SRL: variants seen among roughly 807,000 people sequenced by gnomAD.
SRL encodes the protein sarcalumenin.
SRL carries 23 observed loss-of-function variants against 39.5 expected under a neutral mutation model. That is an observed-to-expected ratio of 0.58 (90% CI 0.42 to 0.82). The LOEUF (loss-of-function observed/expected upper bound fraction) is 0.82, where lower values mean the gene tolerates loss of function less well. Among genes scored for constraint, SRL ranks in the 40% least tolerant of loss-of-function variants. SRL has a pLI of 0.00. For synonymous variants in SRL, 272 were observed against 237.4 expected, an observed-to-expected ratio of 1.15 and a Z score of -1.34; for missense variants, 592 against 607.8, an observed-to-expected ratio of 0.97 and a Z score of 0.27.
At chr16:4,217,064 G>C (rs1246727971) in intron 1 of SRL, among the ~76,000 whole-genome samples, 1 of 152,152 alleles carries the variant, frequency 6.6e-6, no homozygotes, top group Non-Finnish European at 1.5e-5. Context: ...CCCAATCCAG[G>C]GAAGCTGGAG....
chr16:4,240,677 T>C (rs2052763662), intron 1 of SRL, among the ~76,000 whole-genome samples: 1 of 151,494 alleles, frequency 6.6e-6, no homozygotes, highest in Non-Finnish European at 1.5e-5. Flanking sequence ...GGAGGAAAGA[T>C]AAAGGATGTC....
chr16:4,241,928 C>T (rs987433733), intron 1 of SRL, 79 bp downstream of exon 1: 11 of 1,542,026 alleles, frequency 7.1e-6, no homozygotes, highest in Non-Finnish European at 8.0e-6. Context: ...GACCCCCTAC[C>T]CAACCCATGG....
At chr16:4,232,086 C>T (rs1312666870) in intron 1 of SRL, among the ~76,000 whole-genome samples, 1 of 152,150 alleles carries the variant, frequency 6.6e-6, no homozygotes, top group Non-Finnish European at 1.5e-5. Context: ...AGGCCAGCCG[C>T]TCTGCCTCTG....
At chr16:4,207,679 G>C (rs1290327673) in intron 1 of SRL, 2 of 423,048 alleles carry the variant, frequency 4.7e-6, no homozygotes, top group Non-Finnish European at 9.4e-6. Context: ...TCCGTGGGGA[G>C]CCCAAACCCA....
intron 1 of SRL, among the ~76,000 whole-genome samples, chr16:4,239,180 A>T (rs1366312450): frequency 6.6e-6 from 1 of 151,886 alleles, no homozygotes; most frequent in Non-Finnish European, 1.5e-5. Context: ...TCCAGAAATA[A>T]CCAGCCAGGG....
chr16:4,192,578 T>C lies in SRL; in HGVS notation c.997A>G (p.Ile333Val), dbSNP rs765279149. The C allele has an allele frequency of 1.9e-6, 3 of 1,614,158 alleles. No individual in the cohort carries two copies. Among genetic ancestry groups the C allele is most frequent in the South Asian group, 2.2e-5 (2 of 91,078 alleles). ...ENRLENKIAFIRQHAIRVRIH... is the reference protein window; with the variant it reads ...ENRLENKIAFVRQHAIRVRIH... Reference sequence around the variant, plus strand: ...CGGACCCGGATGGCGTGCTGGCGGATGAAGGCAATCTTGTTCTCCAGTCTG... The same window carrying C: ...CGGACCCGGATGGCGTGCTGGCGGACGAAGGCAATCTTGTTCTCCAGTCTG... Residue 333 changes from isoleucine to valine, a missense_variant, in exon 6 of 6, where the codon ATC becomes GTC. Ile to Val is a conservative substitution (Grantham distance 29, BLOSUM62 3). Transcript: ENST00000399609. This position sits in a 1 kb window ranked among gnomAD's most constrained non-coding sequence, Gnocchi z 4.0.
At chr16:4,199,477 C>T (rs1443711320) in intron 3 of SRL, among the ~76,000 whole-genome samples, 1 of 146,976 alleles carries the variant, frequency 6.8e-6, no homozygotes, top group Non-Finnish European at 1.5e-5. Context: ...CTCAAGCGAT[C>T]CTCCCACCTC....
chr16:4,204,871 T>G (rs1433825751), intron 1 of SRL, among the ~76,000 whole-genome samples: 1 of 152,188 alleles, frequency 6.6e-6, no homozygotes, highest in Non-Finnish European at 1.5e-5. Flanking sequence ...GCAGAAACCT[T>G]CTTATCTATT....
At chr16:4,220,795 C>G (rs2052519628) in intron 1 of SRL, among the ~76,000 whole-genome samples, 1 of 151,542 alleles carries the variant, frequency 6.6e-6, no homozygotes, top group African/African-American at 2.4e-5. Flanking sequence ...TCAAGACCAG[C>G]CTAGGCAACA....
chr16:4,213,404 C>CTTTTTCTTTTTTTTTT (rs1237775177), intron 1 of SRL, among the ~76,000 whole-genome samples: 2 of 69,584 alleles, frequency 2.9e-5, no homozygotes, highest in African/African-American at 8.2e-5. Context: ...TTTTCTTTTT[C>CTTTTTCTTTTTTTTTT]TTTTTTTTTT....
chr16:4,199,746 G>C (rs1407642664), intron 3 of SRL, among the ~76,000 whole-genome samples: 2 of 129,168 alleles, frequency 1.5e-5, no homozygotes, highest in African/African-American at 2.9e-5. Context: ...CCCCAGGCTA[G>C]AGTGCAGTGG....
At chr16:4,199,806 C>G (rs1177860635) in intron 3 of SRL, among the ~76,000 whole-genome samples, 2 of 148,814 alleles carry the variant, frequency 1.3e-5, no homozygotes, top group Middle Eastern at 3.5e-3. Context: ...AAGCCATTCT[C>G]CTGCCTCAGC....
rs746211684 is a variant in SRL at position 4,190,566 on chromosome 16, G to A, written c.*1587C>T. On this transcript the variant is annotated 3_prime_UTR_variant, in exon 6 of 6. Transcript: ENST00000399609. ...GCTCCCCACCACCTGCTGTGGAGCC[G>A]TGCATGCTAGCCTTGCAAGACTGTT... 4.8e-5 allele frequency: 19 copies of A among 398,344 alleles called. No individual in the cohort carries two copies. Among genetic ancestry groups the A allele is most frequent in the Non-Finnish European group, 7.5e-5 (17 of 226,350 alleles). 24.7% of individuals were successfully genotyped at this position (398,344 alleles called of 1,614,324 possible).
chr16:4,217,833 C>T (rs2141051663), intron 1 of SRL, among the ~76,000 whole-genome samples: 1 of 152,340 alleles, frequency 6.6e-6, no homozygotes, highest in South Asian at 2.1e-4. Context: ...CAGCTTCGGA[C>T]AGGAGCCGAG....
chr16:4,215,361 A>G (rs1365968208), intron 1 of SRL, among the ~76,000 whole-genome samples: 1 of 152,352 alleles, frequency 6.6e-6, no homozygotes, highest in East Asian at 1.9e-4. Flanking sequence ...AGCCCTTAAA[A>G]TGATTCATCC....
chr16:4,197,879 A>G lies in SRL; in HGVS notation c.296T>C (p.Leu99Pro), dbSNP rs1369482887. The G allele has an allele frequency of 6.2e-7, 1 of 1,614,068 alleles. No homozygotes were observed. Among genetic ancestry groups the G allele is most frequent in the Non-Finnish European group, 8.5e-7 (1 of 1,179,896 alleles). Residue 99 changes from leucine (L) to proline (P), a missense_variant, in exon 4 of 6, where the codon CTG becomes CCG. Physicochemically the swap from Leu to Pro is moderately conservative, Grantham distance 98. Coordinates refer to ENST00000399609, the MANE Select transcript of SRL (RefSeq NM_001098814.2). The part of the protein sequence containing the change: ...EITSKPMVLF[L>P]GPWSVGKSTM... Reference sequence around the variant, plus strand: ...AGATTTACCAACACTCCACGGTCCCAGGAACAGTACCATGGGCTTGGAGGT... The same window carrying G: ...AGATTTACCAACACTCCACGGTCCCGGGAACAGTACCATGGGCTTGGAGGT...
intron 1 of SRL, among the ~76,000 whole-genome samples, chr16:4,214,672 G>A (rs562431749): frequency 5.9e-5 from 9 of 152,272 alleles, no homozygotes; most frequent in East Asian, 3.9e-4. Context: ...CTCGTGGACC[G>A]GGCAAACGTG....
chr16:4,199,396 G>T, intron 3 of SRL, among the ~76,000 whole-genome samples: 1 of 112,136 alleles, frequency 8.9e-6, no homozygotes, highest in Non-Finnish European at 1.7e-5. Flanking sequence ...TTTTGAGACA[G>T]TGTCTCACTC....
Position 4,190,532 on chromosome 16 carries a change from T to C in SRL, c.*1621A>G, listed in dbSNP as rs980394526. On this transcript the variant is annotated 3_prime_UTR_variant, in exon 6 of 6. Transcript: ENST00000399609. ...AAGGCTGCTTCTTCCCTGCAGGTCC[T>C]GCCCCTCTGCTCCCCACCACCTGCT... The C allele has an allele frequency of 1.3e-5, 5 of 398,786 alleles. No individual in the cohort carries two copies. Among genetic ancestry groups the C allele is most frequent in the Non-Finnish European group, 1.3e-5 (3 of 226,344 alleles). The allele number at this position is 398,786 out of a possible 1,614,324, so 24.7% of individuals were successfully genotyped here.
Sources: gnomAD v4.1 joint callset for allele counts (sites outside exome capture counted in the v4.1 genomes callset) on GRCh38, gnomAD v4.1.1 for gene constraint, Gnocchi (gnomAD v3.1) non-coding constraint, MANE v1.5 for transcripts, NCBI Gene and HGNC (gene_info 2026-07-23, HGNC 2026-07-21) for gene names.